The following RGL1 variants were observed in gnomAD, a reference collection of about 807,000 sequenced individuals.
The protein encoded by RGL1 is ral guanine nucleotide dissociation stimulator like 1.
A neutral mutation model predicts 95.2 loss-of-function variants in RGL1; 24 were observed. That is an observed-to-expected ratio of 0.25 (90% CI 0.18 to 0.35). RGL1 has a LOEUF of 0.35. RGL1 is among the 10% of genes least tolerant of loss of function. RGL1 has a pLI of 1.00. For missense variants in RGL1, 715 were observed against 936.3 expected, an observed-to-expected ratio of 0.76 and a Z score of 3.08; for synonymous variants, 329 against 344.9, an observed-to-expected ratio of 0.95 and a Z score of 0.51.
At chr1:183,716,629 G>A (rs1655640070) in intron 1 of RGL1, among the ~76,000 whole-genome samples, 1 of 152,200 alleles carries the variant, frequency 6.6e-6, no homozygotes, top group African/African-American at 2.4e-5. Context: ...TTTGGGGGCG[G>A]CTGAAAAATG....
intron 1 of RGL1, among the ~76,000 whole-genome samples, chr1:183,714,759 G>C (rs1025656880): frequency 3.3e-5 from 5 of 152,186 alleles, no homozygotes; most frequent in Non-Finnish European, 7.3e-5. Context: ...CCAGAAAGAA[G>C]AGTATAGATG....
intron 1 of RGL1, among the ~76,000 whole-genome samples, chr1:183,671,945 T>C (rs964480222): frequency 6.6e-6 from 1 of 151,814 alleles, no homozygotes. Flanking sequence ...TTTCTTTTTT[T>C]TTTTTGAGAC....
chr1:183,668,006 T>A (rs920603210), intron 1 of RGL1, among the ~76,000 whole-genome samples: 1 of 30,290 alleles, frequency 3.3e-5, no homozygotes, highest in African/African-American at 5.8e-5. Context: ...TATATATATG[T>A]GTGTGTGTGT....
chr1:183,836,123 T>G (rs1663633010), intron 2 of RGL1, among the ~76,000 whole-genome samples: 1 of 152,264 alleles, frequency 6.6e-6, no homozygotes, highest in African/African-American at 2.4e-5. Flanking sequence ...TAATCCATAA[T>G]GTGCACTCAG....
chr1:183,695,810 CTAGATTTGT>C (rs1654217718), intron 1 of RGL1, among the ~76,000 whole-genome samples: 1 of 151,892 alleles, frequency 6.6e-6, no homozygotes, highest in Non-Finnish European at 1.5e-5. Flanking sequence ...TATTTGAAAT[CTAGATTTGT>C]AGATGTGAGT....
chr1:183,638,631 G>A (rs932011860), intron 1 of RGL1, among the ~76,000 whole-genome samples: 2 of 152,044 alleles, frequency 1.3e-5, no homozygotes, highest in South Asian at 2.1e-4. Context: ...AATTTTTAAT[G>A]TTAATCATGA....
At chr1:183,714,777 A>G (rs542900852) in intron 1 of RGL1, among the ~76,000 whole-genome samples, 2 of 152,296 alleles carry the variant, frequency 1.3e-5, no homozygotes, top group African/African-American at 4.8e-5. Context: ...ATGTTAACAG[A>G]TATTTGCACT....
intron 4 of RGL1, among the ~76,000 whole-genome samples, chr1:183,871,489 G>A (rs1175690315): frequency 6.6e-6 from 1 of 152,190 alleles, no homozygotes; most frequent in African/African-American, 2.4e-5. Flanking sequence ...TGGAGGAGGG[G>A]ATGGGGACAG....
chr1:183,889,837 A>G (rs556437684), intron 8 of RGL1, among the ~76,000 whole-genome samples: 1 of 152,316 alleles, frequency 6.6e-6, no homozygotes, highest in Admixed American at 6.5e-5. Context: ...ATTTATCAGT[A>G]GAAGAACTAG....
chr1:183,862,139 C>T (rs529596000), intron 3 of RGL1, among the ~76,000 whole-genome samples: 3 of 152,144 alleles, frequency 2.0e-5, no homozygotes, highest in South Asian at 2.1e-4. Flanking sequence ...CCCAGAAGTT[C>T]GAGACCGGCC....
chr1:183,819,319 C>T (rs1174293022), intron 2 of RGL1, among the ~76,000 whole-genome samples: 6 of 152,152 alleles, frequency 3.9e-5, no homozygotes, highest in Non-Finnish European at 8.8e-5. Context: ...CAGGCTTGTC[C>T]TGTAGTGTAC....
intron 1 of RGL1, among the ~76,000 whole-genome samples, chr1:183,708,204 G>A (rs933344912): frequency 6.6e-6 from 1 of 152,120 alleles, no homozygotes; most frequent in Non-Finnish European, 1.5e-5. Flanking sequence ...CAGTCTAGAG[G>A]CTGCCTTTTG....
intron 1 of RGL1, among the ~76,000 whole-genome samples, chr1:183,697,296 C>T (rs2102130312): frequency 6.6e-6 from 1 of 152,294 alleles, no homozygotes; most frequent in South Asian, 2.1e-4. Flanking sequence ...CGGCCCTAAT[C>T]ACTCACTATC....
intron 15 of RGL1, among the ~76,000 whole-genome samples, chr1:183,913,103 T>C (rs769355353): frequency 6.6e-6 from 1 of 152,000 alleles, no homozygotes; most frequent in Non-Finnish European, 1.5e-5. Flanking sequence ...CCGTCGAGTT[T>C]CTATTTTCTG....
rs1162108187 is a variant in RGL1 at position 183,724,479 on chromosome 1, C to T, written c.-32-17647C>T. On this transcript the variant is annotated intron_variant, in intron 1 of 18. Transcript: ENST00000304685. This position sits in a 1 kb window ranked among gnomAD's most constrained non-coding sequence, Gnocchi z 4.1. ...TAAGCCTGGCAACATTCACCACAAG[C>T]TGACTGGAGATCCCTTGGGCCTTAA... Among the ~76,000 whole-genome samples the T allele has an allele frequency of 6.6e-6, 1 of 152,126 alleles. No individual in the cohort carries two copies. The highest frequency in any genetic ancestry group is 2.4e-5 in the African/African-American group (1 of 41,406).
chr1:183,681,662 G>T (rs543896738), intron 1 of RGL1, among the ~76,000 whole-genome samples: 2 of 152,208 alleles, frequency 1.3e-5, no homozygotes, highest in Middle Eastern at 3.4e-3. Context: ...TCTGCCAGGC[G>T]TTGGTATCAG....
At chr1:183,782,976 G>A (rs553182229) in intron 2 of RGL1, among the ~76,000 whole-genome samples, 36 of 152,058 alleles carry the variant, frequency 2.4e-4, no homozygotes, top group African/African-American at 8.0e-4. Flanking sequence ...CTAGTTCTCC[G>A]GCCTGAACCT....
chr1:183,656,483 G>A (rs2102012321), intron 1 of RGL1, among the ~76,000 whole-genome samples: 1 of 152,344 alleles, frequency 6.6e-6, no homozygotes, highest in South Asian at 2.1e-4. Flanking sequence ...CAATCACCAA[G>A]TTTTGGCCAA....
At chr1:183,800,049 G>A (rs1047236604) in intron 2 of RGL1, among the ~76,000 whole-genome samples, 2 of 152,062 alleles carry the variant, frequency 1.3e-5, no homozygotes, top group Admixed American at 6.5e-5. Flanking sequence ...GAGAAGTGAG[G>A]GTCAGACTCT....
Sources: gnomAD v4.1 joint callset for allele counts (sites outside exome capture counted in the v4.1 genomes callset) on GRCh38, gnomAD v4.1.1 for gene constraint, Gnocchi (gnomAD v3.1) non-coding constraint, MANE v1.5 for transcripts, NCBI Gene and HGNC (gene_info 2026-07-23, HGNC 2026-07-21) for gene names.